CRYBA4: variants seen among roughly 807,000 people sequenced by gnomAD.
CRYBA4 encodes the protein crystallin beta A4.
In CRYBA4, 30 loss-of-function variants were observed where a neutral mutation model predicts 31.7. That is an observed-to-expected ratio of 0.95 (90% CI 0.71 to 1.28). The LOEUF (loss-of-function observed/expected upper bound fraction) is 1.28, where lower values mean the gene tolerates loss of function less well. CRYBA4 is among the 50% of genes most tolerant of loss of function. CRYBA4 has a pLI of 0.00. For synonymous variants in CRYBA4, 102 were observed against 102.3 expected (o/e 1.00, Z 0.02); for missense variants, 225 against 260.7 (o/e 0.86, Z 0.94).
chr22:26,600,138 A>C, the CRYBA4 span, among the ~76,000 whole-genome samples: 1 of 152,198 alleles, frequency 6.6e-6, no homozygotes, highest in Non-Finnish European at 1.5e-5. Context: ...GCGGTGGCTC[A>C]AGCCTGTAAT....
the CRYBA4 span, chr22:26,611,988 G>A: frequency 2.0e-6 from 2 of 982,050 alleles, no homozygotes; most frequent in South Asian, 1.3e-5. Flanking sequence ...CAGGCACAGA[G>A]CAGATGCTGG....
chr22:26,607,949 C>T, the CRYBA4 span: 7 of 1,614,094 alleles, frequency 4.3e-6, no homozygotes, highest in African/African-American at 9.3e-5. Flanking sequence ...ACCATGTGTT[C>T]CAGCGAGGGT....
At chr22:26,620,158 A>G (rs1298159068), upstream of CRYBA4, among the ~76,000 whole-genome samples, 1 of 152,004 alleles carries the variant, frequency 6.6e-6, no homozygotes, top group African/African-American at 2.4e-5. Flanking sequence ...TAAAATTGGA[A>G]CTCACATCTT....
At chr22:26,621,499 A>C (rs572503107), upstream of CRYBA4, among the ~76,000 whole-genome samples, 17 of 152,214 alleles carry the variant, frequency 1.1e-4, no homozygotes, top group Non-Finnish European at 2.4e-4. Flanking sequence ...TTCAACTGGA[A>C]GAGAAAGGGG....
rs1212786686 is a variant in CRYBA4 at position 26,630,528 on chromosome 22, C to CGG, written c.*41_*42insGG. On this transcript the variant is annotated 3_prime_UTR_variant, in exon 6 of 6. Transcript: ENST00000354760. ...GGAGGAGCGCATGCGTGCTTATCTG[C>CGG]AATGGAGGCGCTCTGGAGGCTGTGG... The CGG allele has an allele frequency of 1.3e-6, 2 of 1,571,640 alleles. No individual in the cohort carries two copies. The highest frequency in any genetic ancestry group is 2.7e-5 in the African/African-American group (2 of 74,336).
the CRYBA4 span, among the ~76,000 whole-genome samples, chr22:26,613,741 A>G: frequency 2.0e-5 from 3 of 152,208 alleles, no homozygotes; most frequent in Non-Finnish European, 2.9e-5. Context: ...GGGCACCTTA[A>G]AAAAGAACAG....
the CRYBA4 span, chr22:26,599,220 A>T: frequency 4.1e-6 from 2 of 490,928 alleles, no homozygotes; most frequent in Non-Finnish European, 7.4e-6. Context: ...GACGGCAGGA[A>T]CTTGGCCTTA....
chr22:26,621,409 A>G (rs1041800396), upstream of CRYBA4, among the ~76,000 whole-genome samples: 1 of 152,168 alleles, frequency 6.6e-6, no homozygotes, highest in Non-Finnish European at 1.5e-5. Context: ...CTCTCCTTCC[A>G]TCTCACTCTG....
chr22:26,599,693 G>C, the CRYBA4 span: 1 of 1,609,570 alleles, frequency 6.2e-7, no homozygotes, highest in South Asian at 1.1e-5. Context: ...AAGTGAGAAG[G>C]ACAGAGTGGA....
the CRYBA4 span, among the ~76,000 whole-genome samples, chr22:26,615,390 G>A: frequency 1.3e-5 from 2 of 152,218 alleles, no homozygotes; most frequent in South Asian, 2.1e-4. Context: ...TCTTGCTTTC[G>A]ATAAACTCTA....
the CRYBA4 span, chr22:26,596,626 C>A: frequency 6.6e-6 from 1 of 152,088 alleles, no homozygotes; most frequent in African/African-American, 2.4e-5. Context: ...GTGCATCTTA[C>A]CAACAATAAG....
the CRYBA4 span, chr22:26,616,182 A>G: frequency 6.2e-7 from 1 of 1,614,182 alleles, no homozygotes; most frequent in Non-Finnish European, 8.5e-7. Flanking sequence ...TGGCGCTGGT[A>G]ATAGGCACGG....
At chr22:26,617,108 G>A (rs1929381921), upstream of CRYBA4, among the ~76,000 whole-genome samples, 1 of 152,164 alleles carries the variant, frequency 6.6e-6, no homozygotes, top group Non-Finnish European at 1.5e-5. Flanking sequence ...CGGGGACTGA[G>A]GCTTATGGGA....
At chr22:26,607,819 C>G in the CRYBA4 span, 1 of 1,608,334 alleles carries the variant, frequency 6.2e-7, no homozygotes, top group Non-Finnish European at 8.5e-7. Context: ...TTGCCCTTGT[C>G]AGATCTCAGA....
At chr22:26,621,644 C>T (rs1227642971), upstream of CRYBA4, among the ~76,000 whole-genome samples, 2 of 152,168 alleles carry the variant, frequency 1.3e-5, no homozygotes, top group Admixed American at 6.5e-5. Context: ...GGAAATGACT[C>T]GCTGGAGCTC....
the CRYBA4 span, among the ~76,000 whole-genome samples, chr22:26,605,753 T>G: frequency 6.8e-6 from 1 of 147,424 alleles, no homozygotes. Context: ...TCAGGTTTAT[T>G]TTTTTTTTTT....
chr22:26,630,277 C>T, intron 5 of CRYBA4, 63 bp from the exon 6 acceptor site: 1 of 1,605,386 alleles, frequency 6.2e-7, no homozygotes, highest in Non-Finnish European at 8.5e-7. Flanking sequence ...ATCCCTTTGC[C>T]CCTGTGTTGA....
the CRYBA4 span, chr22:26,612,211 T>C: frequency 6.4e-7 from 1 of 1,555,708 alleles, no homozygotes; most frequent in South Asian, 1.1e-5. Flanking sequence ...GAAGCCCCCA[T>C]GCCAAGGGCA....
At chr22:26,629,819 A>G (rs766729876) in intron 5 of CRYBA4, among the ~76,000 whole-genome samples, 4 of 151,778 alleles carry the variant, frequency 2.6e-5, no homozygotes, top group Non-Finnish European at 4.4e-5. Flanking sequence ...AGGAGGGAGA[A>G]AGGGGAAAGA....
Sources: gnomAD v4.1 joint callset for allele counts (sites outside exome capture counted in the v4.1 genomes callset) on GRCh38, gnomAD v4.1.1 for gene constraint, MANE v1.5 for transcripts, NCBI Gene and HGNC (gene_info 2026-07-23, HGNC 2026-07-21) for gene names.